The following DNAJC1 variants were observed in gnomAD, a reference collection of about 807,000 sequenced individuals.
DNAJC1 encodes the protein DnaJ heat shock protein family (Hsp40) member C1.
Under a neutral mutation model 76.6 loss-of-function variants are expected in DNAJC1, and 58 were observed. The ratio of observed to expected loss-of-function variants is 0.76; its 90% confidence interval spans 0.61 to 0.94. The LOEUF is 0.94. Ranked by LOEUF, DNAJC1 falls within the 40% of genes least tolerant of loss-of-function variation. The probability of loss-of-function intolerance (pLI) is 0.00; values close to 1 mark genes in which losing one functional copy is unlikely to be tolerated. For missense variants in DNAJC1, 689 were observed against 677.3 expected (o/e 1.02, Z -0.19); for synonymous variants, 258 against 267.9 (o/e 0.96, Z 0.36).
intron 9 of DNAJC1, among the ~76,000 whole-genome samples, chr10:21,788,493 T>C (rs1163235919): frequency 1.3e-5 from 2 of 152,182 alleles, no homozygotes; most frequent in African/African-American, 4.8e-5. Flanking sequence ...ACCCTGCTTC[T>C]CTGGAGCTGG....
In DNAJC1 at chr10:21,909,542, G is replaced by A. The variant is rs183012985; in HGVS notation, c.730-4930C>T. On this transcript the variant is annotated intron_variant, in intron 6 of 11. Transcript: ENST00000376980. ...GTCTTTCACCCCCTACCCCTGCCCC[G>A]GCACAAAGTAAATAATGCAATCAAT... is the stretch of plus-strand genomic sequence containing the variant. 6.6e-5 allele frequency among the ~76,000 whole-genome samples: 10 copies of A among 152,178 alleles called. No individual in the cohort carries two copies. In the East Asian group the frequency reaches 9.6e-4, roughly 15 times the overall value.
At chr10:21,970,228 C>G (rs979242607) in intron 1 of DNAJC1, among the ~76,000 whole-genome samples, 1 of 151,868 alleles carries the variant, frequency 6.6e-6, no homozygotes, top group Non-Finnish European at 1.5e-5. Flanking sequence ...AAAAGTGGAA[C>G]GAACACTATA....
chr10:21,875,435 T>C (rs1159798681), intron 8 of DNAJC1, among the ~76,000 whole-genome samples: 4 of 152,140 alleles, frequency 2.6e-5, no homozygotes, highest in African/African-American at 7.2e-5. Context: ...GGATTACAGG[T>C]GTAAGCCATC....
chr10:21,880,702 G>A (rs1231880730), intron 8 of DNAJC1, among the ~76,000 whole-genome samples: 2 of 152,098 alleles, frequency 1.3e-5, no homozygotes, highest in Non-Finnish European at 2.9e-5. Flanking sequence ...AGGCTTTATT[G>A]TTCCATTTAT....
intron 8 of DNAJC1, among the ~76,000 whole-genome samples, chr10:21,826,247 A>AAAAAAAAAAAG (rs1435710592): frequency 3.3e-5 from 5 of 151,186 alleles, no homozygotes; most frequent in African/African-American, 1.2e-4. Flanking sequence ...CAAAAAAAAA[A>AAAAAAAAAAAG]AAGAAGAAGA....
At chr10:21,770,690 TGCCTG>T (rs1419095431) in intron 9 of DNAJC1, among the ~76,000 whole-genome samples, 10 of 152,212 alleles carry the variant, frequency 6.6e-5, no homozygotes, top group Non-Finnish European at 1.2e-4. Flanking sequence ...TAAGCCACCA[TGCCTG>T]GCCAGAGTTG....
rs116810284 is a variant in DNAJC1, at chr10:21,955,312, C to T, written c.223-26171G>A. Among the ~76,000 whole-genome samples the T allele has an allele frequency of 5.8e-3, 880 of 152,286 alleles. 5 individuals carry two copies. Among genetic ancestry groups the T allele is most frequent in the African/African-American group, 0.02 (824 of 41,556 alleles). On this transcript the variant is annotated intron_variant, in intron 1 of 11. Coordinates refer to ENST00000376980, the MANE Select transcript of DNAJC1 (RefSeq NM_022365.4). ...GATGATTTAGAATAGTAACACTCTA[C>T]ATCTTACTATTTAAGGTAAAAATTA...
intron 8 of DNAJC1, among the ~76,000 whole-genome samples, chr10:21,810,821 A>C (rs1369631790): frequency 6.6e-6 from 1 of 152,148 alleles, no homozygotes; most frequent in Non-Finnish European, 1.5e-5. Context: ...TGTGGACTTC[A>C]CTAAGGACCC....
intron 1 of DNAJC1, among the ~76,000 whole-genome samples, chr10:21,938,801 A>G (rs537270543): frequency 1.5e-4 from 23 of 152,322 alleles, no homozygotes; most frequent in African/African-American, 5.5e-4. Context: ...GTAGTAGAAA[A>G]ATATTTGGCT....
intron 1 of DNAJC1, among the ~76,000 whole-genome samples, chr10:21,937,432 C>T (rs566383856): frequency 6.6e-6 from 1 of 152,102 alleles, no homozygotes; most frequent in African/African-American, 2.4e-5. Context: ...ATATAAATAA[C>T]ATAAACATGC....
intron 3 of DNAJC1, among the ~76,000 whole-genome samples, chr10:21,926,349 T>A (rs927642897): frequency 2.0e-5 from 3 of 151,932 alleles, no homozygotes; most frequent in African/African-American, 7.3e-5. Flanking sequence ...ATTCAAATAA[T>A]GCATCTGATT....
intron 9 of DNAJC1, among the ~76,000 whole-genome samples, chr10:21,783,342 A>G (rs1834558739): frequency 6.6e-6 from 1 of 152,212 alleles, no homozygotes; most frequent in African/African-American, 2.4e-5. Context: ...TCCAACTTAC[A>G]AGGGATGTGA....
chr10:21,811,307 G>C (rs1834961619), intron 8 of DNAJC1, among the ~76,000 whole-genome samples: 1 of 152,132 alleles, frequency 6.6e-6, no homozygotes, highest in Non-Finnish European at 1.5e-5. Flanking sequence ...AGGCTCTTTT[G>C]GGTTCTGGAG....
chr10:21,949,288 T>C lies in DNAJC1; in HGVS notation c.223-20147A>G, dbSNP rs373262959. On this transcript the variant is annotated intron_variant, in intron 1 of 11. Transcript: ENST00000376980. ...GGTATAGTTTATCGTTCTCTGCTTT[T>C]AACCAATTGGATGATTTTGAGTCAT... Among the ~76,000 whole-genome samples, 9 of 152,260 alleles carry C rather than the reference T, an allele frequency of 5.9e-5. No individual in the cohort carries two copies. The East Asian group carries it at 7.7e-4, about 13-fold the overall frequency.
rs182323951 is a variant in DNAJC1, at chr10:21,759,673, G to A, written c.1148-55C>T. The A allele has an allele frequency of 5.8e-5, 90 of 1,543,080 alleles. No homozygotes were observed. The Admixed American group carries it at 6.7e-4, about 12-fold the overall frequency. ...GAAGGGCAAGGTGAATTAAGGAGAC[G>A]GTGAGAACAGCAGCTGCCGGGCACA... On this transcript the variant is annotated intron_variant, in intron 10 of 11. Coordinates refer to ENST00000376980, the MANE Select transcript of DNAJC1 (RefSeq NM_022365.4).
chr10:21,840,979 C>T (rs1835565161), intron 8 of DNAJC1, among the ~76,000 whole-genome samples: 1 of 152,084 alleles, frequency 6.6e-6, no homozygotes, highest in Non-Finnish European at 1.5e-5. Context: ...CTTTGACAAA[C>T]CTGACAAAAA....
chr10:21,833,644 T>C (rs536825526), intron 8 of DNAJC1, among the ~76,000 whole-genome samples: 1 of 151,996 alleles, frequency 6.6e-6, no homozygotes, highest in African/African-American at 2.4e-5. Context: ...CCAAATGGAG[T>C]TGCTGTGAGA....
At chr10:21,967,265 C>T (rs1837909413) in intron 1 of DNAJC1, among the ~76,000 whole-genome samples, 1 of 152,118 alleles carries the variant, frequency 6.6e-6, no homozygotes, top group African/African-American at 2.4e-5. Flanking sequence ...TTTAGTTTTA[C>T]CTTTTCTAGA....
At chr10:21,897,353 T>C (rs1444331768) in intron 7 of DNAJC1, among the ~76,000 whole-genome samples, 1 of 152,078 alleles carries the variant, frequency 6.6e-6, no homozygotes, top group Non-Finnish European at 1.5e-5. Flanking sequence ...ATAATCACAA[T>C]TATTGATAGA....
Sources: gnomAD v4.1 joint callset for allele counts (sites outside exome capture counted in the v4.1 genomes callset) on GRCh38, gnomAD v4.1.1 for gene constraint, MANE v1.5 for transcripts, NCBI Gene and HGNC (gene_info 2026-07-23, HGNC 2026-07-21) for gene names.